Variants in TUBGCP5 observed in about 807,000 individuals in gnomAD.
The protein encoded by TUBGCP5 is gamma-tubulin complex component 5.
Under a neutral mutation model 134.7 loss-of-function variants are expected in TUBGCP5, and 98 were observed. That is an observed-to-expected ratio of 0.73 (90% CI 0.62 to 0.86). The LOEUF (loss-of-function observed/expected upper bound fraction) is 0.86. TUBGCP5 is among the 40% of genes least tolerant of loss of function. The pLI is 0.00. For missense variants in TUBGCP5, 1,150 were observed against 1,244.8 expected (o/e 0.92, Z 1.15); for synonymous variants, 456 against 431.4 (o/e 1.06, Z -0.71).
At chr15:23,010,196 A>T in intron 14 of TUBGCP5, 63 bp from the exon 15 acceptor site, 1 of 1,510,966 alleles carries the variant, frequency 6.6e-7, no homozygotes, top group Non-Finnish European at 9.0e-7. Flanking sequence ...CTCTTAAATC[A>T]AAACCCTGAA....
chr15:23,038,956 AAGG>A (rs2066753157), intron 1 of TUBGCP5, among the ~76,000 whole-genome samples: 1 of 152,104 alleles, frequency 6.6e-6, no homozygotes, highest in South Asian at 2.1e-4. Flanking sequence ...GTTTTGGAAA[AAGG>A]AGAGCAGGGT....
chr15:22,988,028 G>A (rs893379346), intron 23 of TUBGCP5, among the ~76,000 whole-genome samples: 3 of 151,578 alleles, frequency 2.0e-5, no homozygotes, highest in African/African-American at 7.3e-5. Context: ...CCACTCTGTG[G>A]TGCCTTGATG....
At chr15:22,994,817 A>G (rs746851115), downstream of TUBGCP5, among the ~76,000 whole-genome samples, 19 of 152,218 alleles carry the variant, frequency 1.2e-4, no homozygotes, top group Admixed American at 2.0e-4. Context: ...AAACTCTTCC[A>G]AATTGGCTGT....
At chr15:23,004,827 C>T (rs897523530) in intron 19 of TUBGCP5, among the ~76,000 whole-genome samples, 1 of 152,102 alleles carries the variant, frequency 6.6e-6, no homozygotes, top group African/African-American at 2.4e-5. Flanking sequence ...CTCACTTCAC[C>T]CAAGCAAGTT....
chr15:23,015,447 G>T (rs1775288294), intron 13 of TUBGCP5, among the ~76,000 whole-genome samples: 1 of 150,494 alleles, frequency 6.6e-6, no homozygotes, highest in South Asian at 2.1e-4. Context: ...TTTGAGATCA[G>T]CCTCACCAAC....
At chr15:23,017,541 G>C (rs922019444) in intron 13 of TUBGCP5, among the ~76,000 whole-genome samples, 1 of 152,100 alleles carries the variant, frequency 6.6e-6, no homozygotes, top group Non-Finnish European at 1.5e-5. Flanking sequence ...AATGCATGTG[G>C]AACTTATCGT....
intron 18 of TUBGCP5, 167 bp from the exon 19 acceptor site, chr15:23,005,777 A>G: frequency 4.0e-6 from 3 of 744,988 alleles, no homozygotes; most frequent in Non-Finnish European, 6.4e-6. Context: ...TGCAGTGGGA[A>G]AAGTTTCCTG....
intron 7 of TUBGCP5, among the ~76,000 whole-genome samples, chr15:23,026,776 T>C (rs2066007854): frequency 6.6e-6 from 1 of 151,654 alleles, no homozygotes; most frequent in Non-Finnish European, 1.5e-5. Context: ...CCGCTAAAAA[T>C]ATAAAAATTA....
At chr15:23,028,989 T>C (rs1413961682) in intron 6 of TUBGCP5, among the ~76,000 whole-genome samples, 1 of 152,182 alleles carries the variant, frequency 6.6e-6, no homozygotes, top group Non-Finnish European at 1.5e-5. Context: ...ATATTATTTC[T>C]TCTACATCAG....
rs2140478818 is a variant in TUBGCP5, at chr15:23,013,010, G to A, written c.1757-1679C>T. On this transcript the variant is annotated intron_variant, in intron 13 of 22. Coordinates refer to ENST00000615383, the MANE Select transcript of TUBGCP5 (RefSeq NM_052903.6). This position sits in a 1 kb window ranked among gnomAD's most constrained non-coding sequence, Gnocchi z 4.5. Reference sequence around the variant, plus strand: ...CCAGCTACTTGGGAAGCTGAGGCATGAGAAATCACTTGAACCTGTGAGGCA... The same window carrying A: ...CCAGCTACTTGGGAAGCTGAGGCATAAGAAATCACTTGAACCTGTGAGGCA... Among the ~76,000 whole-genome samples the A allele has an allele frequency of 6.6e-6, 1 of 152,232 alleles. No individual in the cohort carries two copies. The highest frequency in any genetic ancestry group is 2.1e-4 in the South Asian group (1 of 4,820).
At chr15:22,985,506 C>T (rs2063652047) in intron 23 of TUBGCP5, among the ~76,000 whole-genome samples, 1 of 152,240 alleles carries the variant, frequency 6.6e-6, no homozygotes, top group Non-Finnish European at 1.5e-5. Context: ...GCATGAGCCA[C>T]CACACCTGGC....
At chr15:22,998,337 AC>A (rs1165187378), downstream of TUBGCP5, among the ~76,000 whole-genome samples, 3 of 152,072 alleles carry the variant, frequency 2.0e-5, no homozygotes, top group Non-Finnish European at 4.4e-5. Flanking sequence ...GAAATACCAA[AC>A]AATAGTATGT....
rs920265690 is a variant in TUBGCP5, at chr15:23,024,950, G to A, written c.828-120C>T. ...ACTCACTTTGTCACCCACCCAGGCT[G>A]GAGTGCAGCAGCATGATCACAGCTC... On this transcript the variant is annotated intron_variant, in intron 8 of 22. Coordinates refer to ENST00000615383, the MANE Select transcript of TUBGCP5 (RefSeq NM_052903.6). 11 of 634,916 alleles carry A rather than the reference G, an allele frequency of 1.7e-5. No homozygotes were observed. In the Admixed American group the frequency reaches 3.3e-4, roughly 19 times the overall value. The allele number at this position is 634,916 out of a possible 1,614,324, so 39.3% of individuals were successfully genotyped here. A position where few individuals can be genotyped will look rare whatever the true frequency, so the allele number is the denominator to read the frequency against.
At chr15:23,034,308 A>G (rs1246862622) in intron 3 of TUBGCP5, among the ~76,000 whole-genome samples, 1 of 152,212 alleles carries the variant, frequency 6.6e-6, no homozygotes, top group Non-Finnish European at 1.5e-5. Flanking sequence ...ACAGTATGTC[A>G]GAAGAGACAG....
chr15:23,022,279 G>A (rs11858799), intron 10 of TUBGCP5, 118 bp from the exon 11 acceptor site: 15,461 of 1,009,954 alleles, frequency 0.015, 689 homozygotes, highest in African/African-American at 0.14. Context: ...GGAGGACGGT[G>A]GATTTTAATC....
downstream of TUBGCP5, among the ~76,000 whole-genome samples, chr15:22,995,574 CA>C (rs397794497): frequency 5.1e-4 from 62 of 121,712 alleles, no homozygotes; most frequent in Admixed American, 9.2e-4. Context: ...GGCTCCGTCT[CA>C]AAAAAAAAAA....
chr15:23,005,813 G>T, intron 18 of TUBGCP5: 1 of 675,396 alleles, frequency 1.5e-6, no homozygotes, highest in Non-Finnish European at 2.4e-6. Context: ...TCAAGTTGTT[G>T]CATTTCAGAT....
At chr15:22,983,408 T>A (rs1255544975) in exon 24 of TUBGCP5, 2 of 152,190 alleles carry the variant, frequency 1.3e-5, no homozygotes, top group African/African-American at 4.8e-5. Flanking sequence ...CTCTACACTG[T>A]ATAGACTATA....
chr15:23,032,797 G>T lies in TUBGCP5; in HGVS notation c.337C>A (p.Leu113Ile). 1.3e-6 allele frequency: 2 copies of T among 1,590,578 alleles called. No individual in the cohort carries two copies. Among genetic ancestry groups the T allele is most frequent in the African/African-American group, 2.7e-5 (2 of 74,028 alleles). The change falls in exon 4 of 23, where the codon CTT becomes ATT. Residue 113 changes from leucine to isoleucine, a missense_variant. By Grantham distance (5) the Leu-to-Ile change is conservative. Transcript: ENST00000615383. Reference protein sequence around the residue: ...KTDAHYSILSLLLCLSDSPSN... With the variant: ...KTDAHYSILSILLCLSDSPSN... ...GGAGAGTCTGACAGACACAGAAGAAGTGACAGTATGGAATAATGTGCATCT... is the reference window on the plus strand; with the variant it reads ...GGAGAGTCTGACAGACACAGAAGAATTGACAGTATGGAATAATGTGCATCT...
Sources: allele counts gnomAD v4.1 joint callset (sites outside exome capture counted in the v4.1 genomes callset), GRCh38; gene constraint gnomAD v4.1.1; non-coding constraint Gnocchi (gnomAD v3.1); transcripts MANE v1.5; gene names NCBI Gene and HGNC (gene_info 2026-07-23, HGNC 2026-07-21).